DIPK1A: variants seen among roughly 807,000 people sequenced by gnomAD.
DIPK1A encodes the protein family with sequence similarity 69 member A.
In DIPK1A, 27 loss-of-function variants were observed where a neutral mutation model predicts 40.8. The ratio of observed to expected loss-of-function variants is 0.66; its 90% CI spans 0.49 to 0.91. The LOEUF (loss-of-function observed/expected upper bound fraction) is 0.91. Ranked by LOEUF, DIPK1A falls within the 40% of genes least tolerant of loss-of-function variation. The probability of loss-of-function intolerance (pLI) is 0.00; values close to 1 mark genes in which losing one functional copy is unlikely to be tolerated. For synonymous variants in DIPK1A, 166 were observed against 171.3 expected (o/e 0.97, Z 0.24); for missense variants, 412 against 505.7 (o/e 0.81, Z 1.78).
At chr1:92,855,242 A>AT (rs1687944960) in intron 2 of DIPK1A, among the ~76,000 whole-genome samples, 1 of 152,240 alleles carries the variant, frequency 6.6e-6, no homozygotes. Context: ...GCAAGTGTAT[A>AT]TATCAAAACT....
chr1:92,903,211 A>T (rs192735463), intron 1 of DIPK1A, among the ~76,000 whole-genome samples: 42 of 152,058 alleles, frequency 2.8e-4, no homozygotes, highest in African/African-American at 9.2e-4. Flanking sequence ...ACTCCAGGCT[A>T]ATTTTTGTAT....
chr1:92,841,365 A>C (rs1687356188), downstream of DIPK1A, among the ~76,000 whole-genome samples: 2 of 152,216 alleles, frequency 1.3e-5, no homozygotes, highest in African/African-American at 4.8e-5. Flanking sequence ...ATTTTTAAAG[A>C]CTGGGTAATA....
At chr1:92,853,411 G>C (rs1571058346) in intron 2 of DIPK1A, among the ~76,000 whole-genome samples, 1 of 152,148 alleles carries the variant, frequency 6.6e-6, no homozygotes, top group African/African-American at 2.4e-5. Flanking sequence ...TGAGCATCCA[G>C]GCAAAAAGAT....
intron 2 of DIPK1A, among the ~76,000 whole-genome samples, chr1:92,863,281 G>C (rs1046630132): frequency 2.6e-5 from 4 of 152,172 alleles, no homozygotes; most frequent in Non-Finnish European, 1.5e-5. Context: ...TTGCTGGCTT[G>C]TCTTTTCTAA....
chr1:92,885,840 G>A (rs1648574941), intron 1 of DIPK1A, among the ~76,000 whole-genome samples: 1 of 151,960 alleles, frequency 6.6e-6, no homozygotes, highest in Admixed American at 6.6e-5. Context: ...GAGAAAAAAT[G>A]GACAATAAAG....
chr1:92,877,325 G>C (rs1648175673), intron 1 of DIPK1A, among the ~76,000 whole-genome samples: 1 of 152,162 alleles, frequency 6.6e-6, no homozygotes, highest in Non-Finnish European at 1.5e-5. Context: ...CAGCAGAACT[G>C]AGGACTACGA....
chr1:92,893,455 G>C (rs1008603968), intron 1 of DIPK1A, among the ~76,000 whole-genome samples: 3 of 151,790 alleles, frequency 2.0e-5, no homozygotes, highest in Admixed American at 2.0e-4. Flanking sequence ...CAAATGCTGA[G>C]AGATTTTGTC....
intron 1 of DIPK1A, among the ~76,000 whole-genome samples, chr1:92,914,706 T>C (rs1048862286): frequency 3.3e-5 from 5 of 150,278 alleles, no homozygotes; most frequent in Admixed American, 2.0e-4. Flanking sequence ...GAGGCGGAGG[T>C]TGCAGTGAGC....
At chr1:92,940,333 G>GCA (rs1200452639) in intron 1 of DIPK1A, among the ~76,000 whole-genome samples, 1 of 152,066 alleles carries the variant, frequency 6.6e-6, no homozygotes, top group Non-Finnish European at 1.5e-5. Context: ...ATCTGTCCGA[G>GCA]CACATCCCTT....
At position 92,843,339 on chromosome 1, in the gene DIPK1A, T is replaced by C; in HGVS notation, c.*44A>G. The C allele has an allele frequency of 1.4e-6, 2 of 1,463,594 alleles. No individual in the cohort carries two copies. The highest frequency in any genetic ancestry group is 1.8e-6 in the Non-Finnish European group (2 of 1,109,414). The allele number at this position is 1,463,594 out of a possible 1,614,324, so 90.7% of individuals were successfully genotyped here. On this transcript the variant is annotated 3_prime_UTR_variant, in exon 5 of 5. Transcript: ENST00000370310. ...TTTTTTAATGCTCAAAATTGTTCTTTAAAAGTGGCAGGTTTCTTAAAATGG... is the reference window on the plus strand; with the variant it reads ...TTTTTTAATGCTCAAAATTGTTCTTCAAAAGTGGCAGGTTTCTTAAAATGG...
In DIPK1A at chr1:92,905,098, T is replaced by C. The variant is rs116572984; in HGVS notation, c.55-28668A>G. On this transcript the variant is annotated intron_variant, in intron 1 of 4. Transcript: ENST00000370310. ...GCTTCCAAATCTTAGCTATTGTGAA[T>C]AGTGCTACAATCTAATGGGAATGCA... is the stretch of plus-strand genomic sequence containing the variant. Among the ~76,000 whole-genome samples the C allele has an allele frequency of 2.7e-3, 413 of 152,294 alleles. 3 individuals carry two copies. The highest frequency in any genetic ancestry group is 9.5e-3 in the African/African-American group (397 of 41,586).
At chr1:92,869,666 AG>A in intron 2 of DIPK1A, among the ~76,000 whole-genome samples, 1 of 152,318 alleles carries the variant, frequency 6.6e-6, no homozygotes, top group East Asian at 1.9e-4. Flanking sequence ...ATCTGTTCAA[AG>A]GTTATACACA....
At chr1:92,850,015 G>C (rs1687762903) in intron 3 of DIPK1A, among the ~76,000 whole-genome samples, 1 of 151,854 alleles carries the variant, frequency 6.6e-6, no homozygotes, top group Non-Finnish European at 1.5e-5. Context: ...CTGTCACCCA[G>C]GCTGGAGTGC....
At chr1:92,859,618 G>A (rs1285355984) in intron 2 of DIPK1A, among the ~76,000 whole-genome samples, 3 of 152,206 alleles carry the variant, frequency 2.0e-5, no homozygotes, top group Non-Finnish European at 1.5e-5. Flanking sequence ...TACTCCAAGC[G>A]CTTCTATATT....
intron 1 of DIPK1A, among the ~76,000 whole-genome samples, chr1:92,910,821 T>C (rs1158662734): frequency 6.6e-6 from 1 of 152,164 alleles, no homozygotes; most frequent in Non-Finnish European, 1.5e-5. Context: ...TTACTTGTAC[T>C]CTTGTCAGGG....
downstream of DIPK1A, among the ~76,000 whole-genome samples, chr1:92,839,355 T>C (rs915825208): frequency 1.5e-4 from 23 of 152,172 alleles, no homozygotes; most frequent in Middle Eastern, 3.2e-3. Flanking sequence ...CGAGACTTCA[T>C]GTCAAAAAAC....
intron 1 of DIPK1A, among the ~76,000 whole-genome samples, chr1:92,879,864 C>T (rs1378585825): frequency 6.6e-6 from 1 of 151,920 alleles, no homozygotes; most frequent in Non-Finnish European, 1.5e-5. Flanking sequence ...TTTATTTATG[C>T]TGAACTATTC....
chr1:92,879,929 G>C (rs1395056650), intron 1 of DIPK1A, among the ~76,000 whole-genome samples: 1 of 152,166 alleles, frequency 6.6e-6, no homozygotes. Flanking sequence ...AGCTAGTAAT[G>C]GTATGTTGCT....
intron 2 of DIPK1A, among the ~76,000 whole-genome samples, chr1:92,860,052 A>T (rs886706815): frequency 1.3e-5 from 2 of 152,216 alleles, no homozygotes; most frequent in Non-Finnish European, 2.9e-5. Context: ...TTACAAATGA[A>T]TGATAACTGG....
Sources: gnomAD v4.1 joint callset for allele counts (sites outside exome capture counted in the v4.1 genomes callset) on GRCh38, gnomAD v4.1.1 for gene constraint, MANE v1.5 for transcripts, NCBI Gene and HGNC (gene_info 2026-07-23, HGNC 2026-07-21) for gene names.